Variants in DSCAML1 observed in about 807,000 individuals in gnomAD.
The protein encoded by DSCAML1 is DS cell adhesion molecule like 1.
In DSCAML1, 38 loss-of-function variants were observed where a neutral mutation model predicts 200.5. That is an observed-to-expected ratio of 0.19 (90% CI 0.15 to 0.25). The LOEUF (loss-of-function observed/expected upper bound fraction) is 0.25. Among genes scored for constraint, DSCAML1 ranks in the 10% least tolerant of loss-of-function variants. The pLI is 1.00. For missense variants in DSCAML1, 2,223 were observed against 2,858.8 expected (o/e 0.78, Z 5.07); for synonymous variants, 1,215 against 1,165.0 (o/e 1.04, Z -0.87).
At chr11:117,794,415 T>A (rs2055534662) in intron 1 of DSCAML1, among the ~76,000 whole-genome samples, 1 of 152,076 alleles carries the variant, frequency 6.6e-6, no homozygotes, top group African/African-American at 2.4e-5. Context: ...CCAGTTTAGT[T>A]CTGGGGAATC....
At chr11:117,435,206 C>T (rs535740630) in intron 27 of DSCAML1, among the ~76,000 whole-genome samples, 2 of 152,318 alleles carry the variant, frequency 1.3e-5, no homozygotes, top group East Asian at 1.9e-4. Flanking sequence ...TGACATGGTG[C>T]AGAAACTGCC....
At chr11:117,484,661 C>T (rs993822530) in intron 11 of DSCAML1, among the ~76,000 whole-genome samples, 23 of 152,192 alleles carry the variant, frequency 1.5e-4, no homozygotes, top group Non-Finnish European at 2.2e-4. Context: ...ATAATTCACT[C>T]GTATAAACCT....
chr11:117,811,751 G>A (rs1299359778), intron 1 of DSCAML1, among the ~76,000 whole-genome samples: 1 of 152,154 alleles, frequency 6.6e-6, no homozygotes, highest in Non-Finnish European at 1.5e-5. Flanking sequence ...GAAGACTGAG[G>A]CTGCCTGATT....
chr11:117,507,924 GAT>G (rs2049535398), intron 8 of DSCAML1, among the ~76,000 whole-genome samples: 1 of 152,174 alleles, frequency 6.6e-6, no homozygotes. Context: ...GACATCTTCA[GAT>G]AGATTTCTCT....
At chr11:117,431,065 G>C in intron 31 of DSCAML1, 32 bp from the exon 32 acceptor site, 10 of 1,578,412 alleles carry the variant, frequency 6.3e-6, no homozygotes, top group South Asian at 1.2e-5. Flanking sequence ...GGTGGGTTAC[G>C]GGGAGGAGGG....
At chr11:117,802,650 C>T (rs905293298) in intron 1 of DSCAML1, among the ~76,000 whole-genome samples, 4 of 152,140 alleles carry the variant, frequency 2.6e-5, no homozygotes, top group Admixed American at 2.0e-4. Context: ...CATTAGACCC[C>T]GCAGGAGTGC....
At chr11:117,754,465 C>T (rs568086206) in intron 3 of DSCAML1, among the ~76,000 whole-genome samples, 2 of 151,864 alleles carry the variant, frequency 1.3e-5, no homozygotes, top group Admixed American at 6.6e-5. Flanking sequence ...GGGCTCAGCT[C>T]GGGAGGGTGC....
chr11:117,557,801 A>T (rs1017808851), intron 3 of DSCAML1, among the ~76,000 whole-genome samples: 1 of 150,094 alleles, frequency 6.7e-6, no homozygotes, highest in Non-Finnish European at 1.5e-5. Context: ...AGGGGCCTAG[A>T]TCTATCTAGG....
At chr11:117,444,792 T>A (rs1423414000) in intron 20 of DSCAML1, among the ~76,000 whole-genome samples, 3 of 152,148 alleles carry the variant, frequency 2.0e-5, no homozygotes, top group Non-Finnish European at 4.4e-5. Flanking sequence ...GATATTGAAA[T>A]GAATTTGAGA....
intron 3 of DSCAML1, among the ~76,000 whole-genome samples, chr11:117,558,079 G>T (rs537379485): frequency 6.6e-6 from 1 of 152,256 alleles, no homozygotes; most frequent in African/African-American, 2.4e-5. Context: ...GATCAGAGGA[G>T]AGGGACAAAA....
chr11:117,591,116 AG>A (rs1456154797), intron 3 of DSCAML1, among the ~76,000 whole-genome samples: 1 of 152,224 alleles, frequency 6.6e-6, no homozygotes, highest in East Asian at 1.9e-4. Flanking sequence ...TAGTTCAGCT[AG>A]TGTAGAAGAG....
chr11:117,722,860 C>T (rs1029669200), intron 3 of DSCAML1, among the ~76,000 whole-genome samples: 10 of 152,164 alleles, frequency 6.6e-5, no homozygotes, highest in Non-Finnish European at 1.5e-4. Flanking sequence ...ATTCTAGAAA[C>T]AGTAGTTCCC....
intron 3 of DSCAML1, among the ~76,000 whole-genome samples, chr11:117,606,787 T>C (rs2051575448): frequency 6.6e-6 from 1 of 152,208 alleles, no homozygotes; most frequent in Admixed American, 6.5e-5. Flanking sequence ...CCCTGCATCT[T>C]GAGGAGACAA....
intron 11 of DSCAML1, among the ~76,000 whole-genome samples, chr11:117,483,419 C>A (rs2048970913): frequency 1.3e-5 from 2 of 152,214 alleles, no homozygotes; most frequent in African/African-American, 4.8e-5. Context: ...ATAGTCCATC[C>A]ATTCAGCAAG....
chr11:117,790,919 T>G (rs1314703625), intron 1 of DSCAML1, among the ~76,000 whole-genome samples: 1 of 152,196 alleles, frequency 6.6e-6, no homozygotes, highest in Non-Finnish European at 1.5e-5. Context: ...AGAATCAGTT[T>G]AATGGATATG....
rs923018970 is a variant in DSCAML1 at position 117,532,031 on chromosome 11, A to G, written c.658+345T>C. On this transcript the variant is annotated intron_variant, in intron 4 of 32. Transcript: ENST00000651296. Reference sequence around the variant, plus strand: ...GGATAGAATACTCACAAGCACCTAGAGGCATGGAAATGCAATCCCCCCACC... The same window carrying G: ...GGATAGAATACTCACAAGCACCTAGGGGCATGGAAATGCAATCCCCCCACC... 7.9e-5 allele frequency among the ~76,000 whole-genome samples: 12 copies of G among 152,038 alleles called. No individual in the cohort carries two copies. In the South Asian group the frequency reaches 2.5e-3, roughly 32 times the overall value.
intron 3 of DSCAML1, among the ~76,000 whole-genome samples, chr11:117,567,643 GAC>G (rs1243017089): frequency 3.9e-5 from 6 of 152,104 alleles, no homozygotes; most frequent in Non-Finnish European, 7.3e-5. Flanking sequence ...TAAATTCCTC[GAC>G]ACATACACTC....
chr11:117,474,517 C>T (rs1480495246), intron 14 of DSCAML1, among the ~76,000 whole-genome samples: 1 of 152,144 alleles, frequency 6.6e-6, no homozygotes, highest in Admixed American at 6.5e-5. Context: ...GCCTGGGCCT[C>T]TCCTTCCGAC....
At chr11:117,729,849 G>T (rs907524943) in intron 3 of DSCAML1, among the ~76,000 whole-genome samples, 2 of 152,296 alleles carry the variant, frequency 1.3e-5, no homozygotes, top group East Asian at 3.9e-4. Flanking sequence ...TTAAATCAAG[G>T]AATCTGAGAT....
Sources: allele counts gnomAD v4.1 joint callset (sites outside exome capture counted in the v4.1 genomes callset), GRCh38; gene constraint gnomAD v4.1.1; transcripts MANE v1.5; gene names NCBI Gene and HGNC (gene_info 2026-07-23, HGNC 2026-07-21).